The following NAT1 variants were observed in gnomAD, a reference collection of about 807,000 sequenced individuals.
The protein encoded by NAT1 is arylamine N-acetyltransferase 1.
For missense variants in NAT1, 400 were observed against 339.2 expected (o/e 1.18, Z -1.41); for synonymous variants, 144 against 122.6 (o/e 1.17, Z -1.16).
Position 18,222,376 on chromosome 8 carries a change from T to G in NAT1, c.329T>G (p.Leu110Arg). ...KYSTGMIHLL[L>R]QVTIDGRNYI... ...AGCACTGGCATGATTCACCTTCTCC[T>G]GCAGGTGACCATTGATGGCAGGAAC... Residue 110 changes from leucine to arginine, a missense_variant, in exon 3 of 3, where the codon CTG (leucine) becomes CGG (arginine). Coordinates refer to ENST00000307719, the MANE Select transcript of NAT1 (RefSeq NM_000662.8). 2 of 1,614,100 alleles carry G rather than the reference T, an allele frequency of 1.2e-6. No individual in the cohort carries two copies. The highest frequency in any genetic ancestry group is 1.7e-6 in the Non-Finnish European group (2 of 1,179,990).
At chr8:18,184,626 G>C (rs565289366) in intron 2 of NAT1, among the ~76,000 whole-genome samples, 1 of 152,258 alleles carries the variant, frequency 6.6e-6, no homozygotes, top group African/African-American at 2.4e-5. Flanking sequence ...GCTATTATTT[G>C]AATGTTTGTC....
upstream of NAT1, among the ~76,000 whole-genome samples, chr8:18,207,975 T>A (rs574523958): frequency 2.9e-4 from 44 of 152,168 alleles, no homozygotes; most frequent in African/African-American, 1.0e-3. Flanking sequence ...GGGACACGGA[T>A]GAAGCTGAAA....
At chr8:18,197,509 G>C (rs1334761156) in intron 2 of NAT1, among the ~76,000 whole-genome samples, 1 of 152,142 alleles carries the variant, frequency 6.6e-6, no homozygotes, top group Non-Finnish European at 1.5e-5. Flanking sequence ...TGAGACCAGG[G>C]ATACTGCTAA....
intron 2 of NAT1, among the ~76,000 whole-genome samples, chr8:18,171,641 C>T (rs1265963919): frequency 2.0e-5 from 3 of 151,704 alleles, no homozygotes; most frequent in African/African-American, 7.3e-5. Context: ...AAAAAACCTC[C>T]AAAAGAAAAC....
chr8:18,184,269 A>G (rs1802641304), intron 2 of NAT1, among the ~76,000 whole-genome samples: 1 of 152,138 alleles, frequency 6.6e-6, no homozygotes, highest in Admixed American at 6.6e-5. Flanking sequence ...TGCCTTCTGG[A>G]AGACTAGGTG....
Position 18,222,523 on chromosome 8 carries a change from G to T in NAT1, c.476G>T (p.Trp159Leu), listed in dbSNP as rs1805436816. The T allele has an allele frequency of 6.2e-7, 1 of 1,613,918 alleles. No individual in the cohort carries two copies. Among genetic ancestry groups the T allele is most frequent in the Non-Finnish European group, 8.5e-7 (1 of 1,180,012 alleles). ...CGTTTGACGGAAGAGAATGGATTCT[G>T]GTATCTAGACCAAATCAGAAGGGAA... ...VFRLTEENGF[W>L]YLDQIRREQY... The change falls in exon 3 of 3, where the codon TGG becomes TTG. Residue 159 changes from tryptophan to leucine, a missense_variant. Coordinates refer to ENST00000307719, the MANE Select transcript of NAT1 (RefSeq NM_000662.8).
Position 18,200,636 on chromosome 8 carries a change from C to T in NAT1, n.93-9145C>T, listed in dbSNP as rs114996844. ...TAACCTGTACACCAAACCCCTGTGACGTGTAGTTTACCTATCTAACAAACC... is the reference window on the plus strand; with the variant it reads ...TAACCTGTACACCAAACCCCTGTGATGTGTAGTTTACCTATCTAACAAACC... On this transcript the variant is annotated intron_variant and non_coding_transcript_variant, in intron 2 of 4. Transcript: ENST00000517441. Among the ~76,000 whole-genome samples, 762 of 152,098 alleles carry T rather than the reference C, an allele frequency of 5.0e-3. 10 individuals are homozygous for T. Among genetic ancestry groups the T allele is most frequent in the African/African-American group, 0.018 (736 of 41,484 alleles).
chr8:18,218,261 T>A (rs1037591903), intron 1 of NAT1, among the ~76,000 whole-genome samples: 3 of 152,160 alleles, frequency 2.0e-5, no homozygotes, highest in Non-Finnish European at 4.4e-5. Context: ...CTTGGTCTCC[T>A]GGCCCCAATT....
chr8:18,208,074 A>G (rs1803802330), upstream of NAT1, among the ~76,000 whole-genome samples: 1 of 143,014 alleles, frequency 7.0e-6, no homozygotes, highest in African/African-American at 2.5e-5. Flanking sequence ...ATGAGAAGAC[A>G]TGGACATAGG....
chr8:18,178,033 C>T (rs553054196), intron 2 of NAT1, among the ~76,000 whole-genome samples: 1 of 152,142 alleles, frequency 6.6e-6, no homozygotes, highest in African/African-American at 2.4e-5. Context: ...ACAAATGGTG[C>T]AATTAATCTA....
chr8:18,172,570 G>A (rs4548221), intron 2 of NAT1, among the ~76,000 whole-genome samples: 67,753 of 151,894 alleles, frequency 0.45, 18,558 homozygotes, highest in African/African-American at 0.78. Context: ...CTCTGTGCAG[G>A]CCACCCTTTA....
At chr8:18,171,556 A>G (rs1802097726) in intron 2 of NAT1, among the ~76,000 whole-genome samples, 1 of 152,188 alleles carries the variant, frequency 6.6e-6, no homozygotes, top group Non-Finnish European at 1.5e-5. Context: ...TTTGCCAGAA[A>G]GAGCTAGGAG....
At chr8:18,179,155 G>T (rs1029488315) in intron 2 of NAT1, among the ~76,000 whole-genome samples, 1 of 152,100 alleles carries the variant, frequency 6.6e-6, no homozygotes, top group Non-Finnish European at 1.5e-5. Flanking sequence ...CCTGATATTT[G>T]GTGTCTGTTC....
intron 2 of NAT1, among the ~76,000 whole-genome samples, chr8:18,195,078 T>C (rs1371995681): frequency 6.6e-6 from 1 of 152,088 alleles, no homozygotes. Context: ...GGTCAAGGAG[T>C]TTCCCCTTGG....
intron 2 of NAT1, among the ~76,000 whole-genome samples, chr8:18,189,959 T>G (rs184347558): frequency 2.6e-5 from 4 of 152,162 alleles, no homozygotes; most frequent in Admixed American, 6.5e-5. Flanking sequence ...CTGGCTAATT[T>G]TTGTATTTAT....
chr8:18,221,128 CCTT>C (rs1411857547), intron 2 of NAT1, among the ~76,000 whole-genome samples: 4 of 152,172 alleles, frequency 2.6e-5, no homozygotes, highest in African/African-American at 7.2e-5. Context: ...AGTCCACTCT[CCTT>C]CTTACTCATG....
At position 18,193,249 on chromosome 8, in the gene NAT1, T is replaced by A. The variant is rs576814202; in HGVS notation, n.93-16532T>A. Among the ~76,000 whole-genome samples the A allele has an allele frequency of 2.8e-3, 424 of 149,874 alleles. 1 individual carries two copies. The highest frequency in any genetic ancestry group is 9.8e-3 in the African/African-American group (403 of 41,106). The stretch of plus-strand genomic sequence containing the variant: ...TGTGCCACCACACCTGGCTAATTTT[T>A]AAAAATTTTTTTGTAGAGATGGGGT... On this transcript the variant is annotated intron_variant and non_coding_transcript_variant, in intron 2 of 4. Transcript: ENST00000517441.
In NAT1 at chr8:18,222,307, C is replaced by T. The variant is rs377662129; in HGVS notation, c.260C>T (p.Thr87Met). Residue 87 changes from threonine to methionine, a missense_variant, in exon 3 of 3, where the codon ACG becomes ATG. Thr to Met is a moderately conservative substitution (Grantham distance 81). Coordinates refer to ENST00000307719, the MANE Select transcript of NAT1 (RefSeq NM_000662.8). ...WALTTIGFET[T>M]MLGGYVYSTP... ...CTGACCACTATTGGTTTTGAGACCACGATGTTGGGAGGGTATGTTTACAGC... is the reference window on the plus strand; with the variant it reads ...CTGACCACTATTGGTTTTGAGACCATGATGTTGGGAGGGTATGTTTACAGC... 1.4e-5 allele frequency: 23 copies of T among 1,614,014 alleles called. No individual in the cohort carries two copies. In the East Asian group the frequency reaches 1.8e-4, roughly 13 times the overall value.
intron 2 of NAT1, 33 bp from the exon 3 acceptor site, chr8:18,222,009 A>G (rs1414776435): frequency 6.4e-7 from 1 of 1,566,300 alleles, no homozygotes; most frequent in East Asian, 2.2e-5. Context: ...TAAAAGTAAA[A>G]TGATTTGCTT....
Sources: gnomAD v4.1 joint callset for allele counts (sites outside exome capture counted in the v4.1 genomes callset) on GRCh38, gnomAD v4.1.1 for gene constraint, MANE v1.5 for transcripts, NCBI Gene and HGNC (gene_info 2026-07-23, HGNC 2026-07-21) for gene names.